The following STAT4 variants were observed in gnomAD, a reference collection of about 807,000 sequenced individuals.
STAT4 encodes signal transducer and activator of transcription 4.
A neutral mutation model predicts 110.5 loss-of-function variants in STAT4; 42 were observed. The ratio of observed to expected loss-of-function variants is 0.38; its 90% CI spans 0.30 to 0.49. STAT4 has a LOEUF of 0.49. Ranked by LOEUF, STAT4 falls within the 20% of genes least tolerant of loss-of-function variation. The probability of loss-of-function intolerance (pLI) is 0.95; values close to 1 mark genes in which losing one functional copy is unlikely to be tolerated. For missense variants in STAT4, 632 were observed against 887.9 expected (o/e 0.71, Z 3.66); for synonymous variants, 284 against 302.2 (o/e 0.94, Z 0.63).
At position 191,137,921 on chromosome 2, in the gene STAT4, G is replaced by A. The variant is rs537703358; in HGVS notation, c.273+8692C>T. Among the ~76,000 whole-genome samples, 5 of 152,208 alleles carry A rather than the reference G, an allele frequency of 3.3e-5. No homozygotes were observed. In the East Asian group the frequency reaches 9.6e-4, roughly 29 times the overall value. ...TATAAACTGCTACAAGATAACATAAGGAAAATGCTTCAGGACATTGGTCTA... is the reference window on the plus strand; with the variant it reads ...TATAAACTGCTACAAGATAACATAAAGAAAATGCTTCAGGACATTGGTCTA... On this transcript the variant is annotated intron_variant, in intron 3 of 23. Coordinates refer to ENST00000392320, the MANE Select transcript of STAT4 (RefSeq NM_003151.4).
At chr2:191,095,209 A>G (rs1430162458) in intron 3 of STAT4, among the ~76,000 whole-genome samples, 2 of 152,186 alleles carry the variant, frequency 1.3e-5, no homozygotes, top group Admixed American at 6.5e-5. Context: ...CAGATCAACG[A>G]GACAGGTTAA....
chr2:191,129,431 G>C (rs1035400727), intron 3 of STAT4, among the ~76,000 whole-genome samples: 1 of 151,924 alleles, frequency 6.6e-6, no homozygotes, highest in Non-Finnish European at 1.5e-5. Flanking sequence ...TCTGAAAAAA[G>C]AAAAGAAAAG....
intron 16 of STAT4, 38 bp from the exon 17 acceptor site, chr2:191,036,337 T>C (rs370847184): frequency 3.9e-5 from 63 of 1,608,138 alleles, no homozygotes; most frequent in Non-Finnish European, 5.3e-5. Flanking sequence ...TTAATTATCT[T>C]ACAGTGGGTA....
rs1697787164 is a variant in STAT4 at position 191,091,112 on chromosome 2, C to G, written c.274-14787G>C. ...TCGTCATCATTAGAAAGTGTTTAGA[C>G]AAGATTATAAGGACAAGAAAATGAA... is the stretch of plus-strand genomic sequence containing the variant. On this transcript the variant is annotated intron_variant, in intron 3 of 23. Transcript: ENST00000392320. The surrounding 1 kb of genome is among the most constrained non-coding windows in gnomAD (Gnocchi z 5.4). 6.6e-6 allele frequency among the ~76,000 whole-genome samples: 1 copy of G among 151,938 alleles called. No homozygotes were observed. The highest frequency in any genetic ancestry group is 2.4e-5 in the African/African-American group (1 of 41,342).
intron 3 of STAT4, among the ~76,000 whole-genome samples, chr2:191,089,275 T>C (rs1697726860): frequency 6.6e-6 from 1 of 152,096 alleles, no homozygotes; most frequent in African/African-American, 2.4e-5. Flanking sequence ...CCAAAGAAGA[T>C]ATATAGATGA....
intron 4 of STAT4, 96 bp downstream of exon 4, chr2:191,076,131 G>A: frequency 1.0e-6 from 1 of 990,534 alleles, no homozygotes; most frequent in South Asian, 1.4e-5. Context: ...TAGGATTACA[G>A]GTGTGAGCCA....
In STAT4 at chr2:191,127,640, G is replaced by A. The variant is rs1385003710; in HGVS notation, c.273+18973C>T. Reference sequence around the variant, plus strand: ...ATCCATATGATGTAATCAATATTCAGTCAACAAATATCTGGAGTAGATAGC... The same window carrying A: ...ATCCATATGATGTAATCAATATTCAATCAACAAATATCTGGAGTAGATAGC... On this transcript the variant is annotated intron_variant, in intron 3 of 23. Transcript: ENST00000392320. 3.9e-5 allele frequency among the ~76,000 whole-genome samples: 6 copies of A among 152,150 alleles called. No individual in the cohort carries two copies. The East Asian group carries it at 1.2e-3, about 29-fold the overall frequency.
chr2:191,033,695 C>G lies in STAT4; in HGVS notation c.1716-69G>C. 1 of 1,571,306 alleles carries G rather than the reference C, an allele frequency of 6.4e-7. No individual in the cohort carries two copies. Among genetic ancestry groups the G allele is most frequent in the Non-Finnish European group, 8.6e-7 (1 of 1,160,468 alleles). On this transcript the variant is annotated intron_variant, in intron 19 of 23. Transcript: ENST00000392320. This position sits in a 1 kb window ranked among gnomAD's most constrained non-coding sequence, Gnocchi z 6.9. Reference sequence around the variant, plus strand: ...TTTCACTTATTGCATTTACAAAGACCTACAGTTTGTTTTGAGTGTAATCAA... The same window carrying G: ...TTTCACTTATTGCATTTACAAAGACGTACAGTTTGTTTTGAGTGTAATCAA...
In STAT4 at chr2:191,029,747, A is replaced by G; in HGVS notation, c.*93T>C. On this transcript the variant is annotated 3_prime_UTR_variant, in exon 24 of 24. Coordinates refer to ENST00000392320, the MANE Select transcript of STAT4 (RefSeq NM_003151.4). The surrounding 1 kb of genome is among the most constrained non-coding windows in gnomAD (Gnocchi z 4.5). ...ACATTTCCTAGAACCTGGTATTTAC[A>G]AAGCTGAAGAAATAAAATGTGGTTA... 1 of 1,191,946 alleles carries G rather than the reference A, an allele frequency of 8.4e-7. No homozygotes were observed. The allele number at this position is 1,191,946 out of a possible 1,614,324, so 73.8% of individuals were successfully genotyped here. A position where few individuals can be genotyped will look rare whatever the true frequency, so the allele number is the denominator to read the frequency against.
chr2:191,130,049 C>A lies in STAT4; in HGVS notation c.273+16564G>T, dbSNP rs1219861542. Reference sequence around the variant, plus strand: ...ATTAATTTCATTTAGGAATTCCTTCCTTGAAGGTATCTTTGAGGTGAAGTT... The same window carrying A: ...ATTAATTTCATTTAGGAATTCCTTCATTGAAGGTATCTTTGAGGTGAAGTT... On this transcript the variant is annotated intron_variant, in intron 3 of 23. Transcript: ENST00000392320. Among the ~76,000 whole-genome samples the A allele has an allele frequency of 5.4e-4, 82 of 151,986 alleles. 1 individual carries two copies. The highest frequency in any genetic ancestry group is 5.4e-3 in the Admixed American group (82 of 15,272).
intron 3 of STAT4, among the ~76,000 whole-genome samples, chr2:191,123,147 C>T (rs1400854618): frequency 1.3e-5 from 2 of 152,150 alleles, no homozygotes; most frequent in East Asian, 3.8e-4. Flanking sequence ...AATGGCTCTC[C>T]TACGCAATTT....
intron 3 of STAT4, among the ~76,000 whole-genome samples, chr2:191,084,949 T>A (rs1697594947): frequency 6.6e-6 from 1 of 151,920 alleles, no homozygotes; most frequent in Admixed American, 6.6e-5. Context: ...GCTTTAGCAT[T>A]AATAATATAC....
At chr2:191,074,370 C>T (rs756885986) in intron 4 of STAT4, among the ~76,000 whole-genome samples, 1 of 152,138 alleles carries the variant, frequency 6.6e-6, no homozygotes, top group Non-Finnish European at 1.5e-5. Flanking sequence ...TCCAGTATAC[C>T]ACACTCTTAC....
At chr2:191,129,062 A>T (rs1451068895) in intron 3 of STAT4, among the ~76,000 whole-genome samples, 1 of 152,194 alleles carries the variant, frequency 6.6e-6, no homozygotes, top group East Asian at 1.9e-4. Context: ...CTTAATGCTT[A>T]AAATGTGATT....
At position 191,033,184 on chromosome 2, in the gene STAT4, C is replaced by T; in HGVS notation, c.1853-35G>A. The T allele has an allele frequency of 6.3e-7, 1 of 1,594,366 alleles. No homozygotes were observed. Among genetic ancestry groups the T allele is most frequent in the Non-Finnish European group, 8.6e-7 (1 of 1,168,578 alleles). ...CAGAAATTGGAGAAATATACAGGTT[C>T]CTGTACACATTCCTTGTGACCATTT... On this transcript the variant is annotated intron_variant, in intron 20 of 23. Transcript: ENST00000392320. This position sits in a 1 kb window ranked among gnomAD's most constrained non-coding sequence, Gnocchi z 6.9.
chr2:191,082,629 C>T lies in STAT4; in HGVS notation c.274-6304G>A, dbSNP rs962572934. 6.6e-6 allele frequency among the ~76,000 whole-genome samples: 1 copy of T among 152,198 alleles called. No individual in the cohort carries two copies. The highest frequency in any genetic ancestry group is 1.5e-5 in the Non-Finnish European group (1 of 68,024). ...ATGAACATGCTATTTATTCTTTTTG[C>T]TACTTTATGCTAAATTTCTTGGCTT... is the stretch of plus-strand genomic sequence containing the variant. On this transcript the variant is annotated intron_variant, in intron 3 of 23. Coordinates refer to ENST00000392320, the MANE Select transcript of STAT4 (RefSeq NM_003151.4). This position sits in a 1 kb window ranked among gnomAD's most constrained non-coding sequence, Gnocchi z 4.7.
chr2:191,114,890 A>G (rs1184291991), intron 3 of STAT4, among the ~76,000 whole-genome samples: 1 of 152,196 alleles, frequency 6.6e-6, no homozygotes, highest in African/African-American at 2.4e-5. Context: ...CTACCCTCGC[A>G]GGCAAAATTT....
chr2:191,148,234 T>C (rs747175580), intron 1 of STAT4, 30 bp from the exon 2 acceptor site: 3 of 1,609,256 alleles, frequency 1.9e-6, no homozygotes, highest in Non-Finnish European at 2.5e-6. Flanking sequence ...ATTAGAGTTT[T>C]AAAATATTGT....
chr2:191,126,974 C>T (rs1013993869), intron 3 of STAT4, among the ~76,000 whole-genome samples: 4 of 152,064 alleles, frequency 2.6e-5, no homozygotes, highest in African/African-American at 9.7e-5. Context: ...CACACACCAC[C>T]ATGCCCAGCT....
Sources: gnomAD v4.1 joint callset for allele counts (sites outside exome capture counted in the v4.1 genomes callset) on GRCh38, gnomAD v4.1.1 for gene constraint, Gnocchi (gnomAD v3.1) non-coding constraint, MANE v1.5 for transcripts, NCBI Gene and HGNC (gene_info 2026-07-23, HGNC 2026-07-21) for gene names.